The following COL5A1 variants were observed in gnomAD, a reference collection of about 807,000 sequenced individuals.
COL5A1 encodes collagen type V alpha 1 chain, also known as collagen alpha-1(V) chain.
COL5A1 carries 16 observed loss-of-function variants against 263.7 expected under a neutral mutation model. The ratio of observed to expected loss-of-function variants is 0.06; its 90% CI spans 0.04 to 0.09. The LOEUF is 0.09. Ranked by LOEUF, COL5A1 falls within the 10% of genes least tolerant of loss-of-function variation. COL5A1 has a pLI of 1.00. For missense variants in COL5A1, 2,036 were observed against 2,540.5 expected, an observed-to-expected ratio of 0.80 and a Z score of 4.27; for synonymous variants, 1,012 against 1,004.5, an observed-to-expected ratio of 1.01 and a Z score of -0.14.
intron 9 of COL5A1, among the ~76,000 whole-genome samples, chr9:134,734,934 G>T (rs983247706): frequency 2.0e-5 from 3 of 152,128 alleles, no homozygotes; most frequent in African/African-American, 7.2e-5. Flanking sequence ...CATTCGGCCG[G>T]GTGCGGTGGC....
rs940299100 is a variant in COL5A1, at chr9:134,780,039, G to A, written c.2386-63G>A. ...GCTCAGCCTGTCTTGACACGCCTGC[G>A]ACAGCTCTAGAAAGGCTGAGACTTG... On this transcript the variant is annotated intron_variant, in intron 27 of 65. Coordinates refer to ENST00000371817, the MANE Select transcript of COL5A1 (RefSeq NM_000093.5). 5.0e-6 allele frequency: 8 copies of A among 1,592,978 alleles called. No homozygotes were observed. In the African/African-American group the frequency reaches 8.0e-5, roughly 16 times the overall value.
chr9:134,769,965 T>C (rs1836818550), intron 25 of COL5A1, among the ~76,000 whole-genome samples: 1 of 152,144 alleles, frequency 6.6e-6, no homozygotes. Flanking sequence ...AGAATTGGGG[T>C]CCCTAAAGAG....
At chr9:134,719,401 CACGGT>C (rs760281773) in intron 4 of COL5A1, among the ~76,000 whole-genome samples, 3 of 152,252 alleles carry the variant, frequency 2.0e-5, no homozygotes, top group Non-Finnish European at 2.9e-5. Flanking sequence ...CCTGCATCAA[CACGGT>C]ACCGGACACA....
At chr9:134,773,539 C>A (rs77693776) in intron 26 of COL5A1, among the ~76,000 whole-genome samples, 192 of 152,342 alleles carry the variant, frequency 1.3e-3, no homozygotes, top group Non-Finnish European at 1.8e-3. Flanking sequence ...GAGCCTGGGG[C>A]TGAGGGCAGA....
rs1260340355 is a variant in COL5A1, at chr9:134,759,704, ATG to A, written c.1935+1409_1935+1410del. 5.9e-3 allele frequency among the ~76,000 whole-genome samples: 386 copies of A among 65,246 alleles called. 64 individuals are homozygous for A. Among genetic ancestry groups the A allele is most frequent in the African/African-American group, 0.03 (329 of 10,912 alleles). 42.8% of individuals were successfully genotyped at this position (65,246 alleles called of 152,430 possible). ...CCCACACTCATACACATATGCACACATGCACACACCCCCCCACCCCCACACTC... is the reference window on the plus strand; with the variant it reads ...CCCACACTCATACACATATGCACACACACACACCCCCCCACCCCCACACTC... On this transcript the variant is annotated intron_variant, in intron 18 of 65. Transcript: ENST00000371817.
intron 57 of COL5A1, 74 bp from the exon 58 acceptor site, chr9:134,820,042 C>A: frequency 2.8e-6 from 3 of 1,083,946 alleles, no homozygotes; most frequent in Non-Finnish European, 4.3e-6. Context: ...GTGCTGCGTG[C>A]TAACTGGCCC....
rs1171220077 is a variant in COL5A1, at chr9:134,818,045, T to A, written c.4230+214T>A. ...GCCACAAGACTGGGGCCGTCTGCCT[T>A]GCCCACCTGAGGGAGGAGGCGGGTG... On this transcript the variant is annotated intron_variant, in intron 54 of 65. Coordinates refer to ENST00000371817, the MANE Select transcript of COL5A1 (RefSeq NM_000093.5). This position sits in a 1 kb window ranked among gnomAD's most constrained non-coding sequence, Gnocchi z 6.0. Among the ~76,000 whole-genome samples the A allele has an allele frequency of 1.3e-5, 2 of 152,182 alleles. No homozygotes were observed. Among genetic ancestry groups the A allele is most frequent in the Non-Finnish European group, 2.9e-5 (2 of 68,024 alleles).
chr9:134,659,696 G>A (rs547034473), intron 1 of COL5A1, among the ~76,000 whole-genome samples: 7 of 152,264 alleles, frequency 4.6e-5, no homozygotes, highest in African/African-American at 9.6e-5. Context: ...AGGAGGGAGC[G>A]GGGCCTTTTG....
intron 65 of COL5A1, among the ~76,000 whole-genome samples, chr9:134,839,062 A>C (rs1042070066): frequency 3.3e-5 from 5 of 152,252 alleles, no homozygotes; most frequent in African/African-American, 1.2e-4. Context: ...CAGCGGCAAA[A>C]GCCCTGCCTC....
At chr9:134,839,492 C>T (rs1294946933) in intron 65 of COL5A1, among the ~76,000 whole-genome samples, 6 of 152,202 alleles carry the variant, frequency 3.9e-5, no homozygotes, top group Non-Finnish European at 8.8e-5. Context: ...GTGACCGACG[C>T]CACTGCTGAG....
intron 39 of COL5A1, 93 bp downstream of exon 39, chr9:134,803,088 G>A: frequency 2.0e-6 from 2 of 1,013,414 alleles, no homozygotes; most frequent in Non-Finnish European, 3.0e-6. Context: ...TGATGAATGG[G>A]TAATTCGTCA....
At chr9:134,782,585 T>C in intron 28 of COL5A1, 82 bp from the exon 29 acceptor site, 1 of 1,279,952 alleles carries the variant, frequency 7.8e-7, no homozygotes, top group Non-Finnish European at 1.1e-6. Context: ...GTGCTGAGTG[T>C]GGTTGTTTGG....
At chr9:134,655,493 C>T (rs535415602) in intron 1 of COL5A1, among the ~76,000 whole-genome samples, 2 of 152,182 alleles carry the variant, frequency 1.3e-5, no homozygotes, top group African/African-American at 4.8e-5. Flanking sequence ...CCTCAGTTTC[C>T]CCATCTGTCA....
intron 37 of COL5A1, among the ~76,000 whole-genome samples, chr9:134,800,205 G>A (rs900547265): frequency 2.0e-4 from 31 of 152,204 alleles, no homozygotes; most frequent in African/African-American, 7.2e-4. Context: ...CAGGGTGGCC[G>A]AGGGCCCTGG....
At chr9:134,727,034 T>C (rs1834686656) in intron 4 of COL5A1, among the ~76,000 whole-genome samples, 1 of 135,186 alleles carries the variant, frequency 7.4e-6, no homozygotes. Flanking sequence ...GATGGGTAGA[T>C]GGATGAGTGA....
Position 134,818,600 on chromosome 9 carries a change from C to T in COL5A1, c.4231-56C>T. Reference sequence around the variant, plus strand: ...GGGTTTCCGAGCAGTGGTCCTGGGCCAGGGTGCCTGGAGCCTAGAGCTCCG... The same window carrying T: ...GGGTTTCCGAGCAGTGGTCCTGGGCTAGGGTGCCTGGAGCCTAGAGCTCCG... On this transcript the variant is annotated intron_variant, in intron 54 of 65. Coordinates refer to ENST00000371817, the MANE Select transcript of COL5A1 (RefSeq NM_000093.5). This position sits in a 1 kb window ranked among gnomAD's most constrained non-coding sequence, Gnocchi z 6.0. 1 of 1,341,540 alleles carries T rather than the reference C, an allele frequency of 7.5e-7. No individual in the cohort carries two copies. Among genetic ancestry groups the T allele is most frequent in the Non-Finnish European group, 1.1e-6 (1 of 951,370 alleles). The allele number at this position is 1,341,540 out of a possible 1,614,324, so 83.1% of individuals were successfully genotyped here.
chr9:134,826,746 C>CGG (rs1839288442), intron 63 of COL5A1, among the ~76,000 whole-genome samples: 1 of 125,554 alleles, frequency 8.0e-6, no homozygotes, highest in Admixed American at 7.7e-5. Flanking sequence ...ACATGGTGTT[C>CGG]GGGTGTGTGT....
rs1317132006 is a variant in COL5A1, at chr9:134,754,758, A to G, written c.1827+432A>G. On this transcript the variant is annotated intron_variant, in intron 16 of 65. Coordinates refer to ENST00000371817, the MANE Select transcript of COL5A1 (RefSeq NM_000093.5). The surrounding 1 kb of genome is among the most constrained non-coding windows in gnomAD (Gnocchi z 4.3). ...CCTCCTGGAATTTTCTGTCTGGTGC[A>G]TGGTTCTCCTGGATGGAACTGGTTT... Among the ~76,000 whole-genome samples the G allele has an allele frequency of 6.6e-6, 1 of 152,092 alleles. No homozygotes were observed. The highest frequency in any genetic ancestry group is 6.5e-5 in the Admixed American group (1 of 15,272).
intron 4 of COL5A1, among the ~76,000 whole-genome samples, chr9:134,724,617 G>A (rs1048786867): frequency 2.0e-5 from 3 of 152,258 alleles, no homozygotes; most frequent in Admixed American, 6.5e-5. Context: ...AATGATGGGT[G>A]TGCGCACAGA....
Sources: allele counts gnomAD v4.1 joint callset (sites outside exome capture counted in the v4.1 genomes callset), GRCh38; gene constraint gnomAD v4.1.1; non-coding constraint Gnocchi (gnomAD v3.1); transcripts MANE v1.5; gene names NCBI Gene and HGNC (gene_info 2026-07-23, HGNC 2026-07-21).